PTK7: variants seen among roughly 807,000 people sequenced by gnomAD.
PTK7 encodes inactive tyrosine-protein kinase 7.
In PTK7, 39 loss-of-function variants were observed where a neutral mutation model predicts 116.6. That is an observed-to-expected ratio of 0.33 (90% CI 0.26 to 0.44). The LOEUF is 0.44. Among genes scored for constraint, PTK7 ranks in the 20% least tolerant of loss-of-function variants. PTK7 has a pLI of 1.00. For missense variants in PTK7, 1,169 were observed against 1,425.6 expected (o/e 0.82, Z 2.90); for synonymous variants, 546 against 563.6 (o/e 0.97, Z 0.44).
At position 43,141,838 on chromosome 6, in the gene PTK7, T is replaced by A. The variant is rs995365518; in HGVS notation, c.1768+21T>A. 8 of 1,610,440 alleles carry A rather than the reference T, an allele frequency of 5.0e-6. No homozygotes were observed. The highest frequency in any genetic ancestry group is 5.9e-6 in the Non-Finnish European group (7 of 1,178,192). On this transcript the variant is annotated intron_variant, in intron 11 of 19. Transcript: ENST00000230419. This position sits in a 1 kb window ranked among gnomAD's most constrained non-coding sequence, Gnocchi z 4.9. Reference sequence around the variant, plus strand: ...GGCAGGTGCGACCGTGGCAGGGCCCTGGGGCTGGGAGGGCCCTCTGGGGTA... The same window carrying A: ...GGCAGGTGCGACCGTGGCAGGGCCCAGGGGCTGGGAGGGCCCTCTGGGGTA...
At chr6:43,117,613 C>G (rs1768634883) in intron 1 of PTK7, among the ~76,000 whole-genome samples, 1 of 152,148 alleles carries the variant, frequency 6.6e-6, no homozygotes, top group African/African-American at 2.4e-5. Context: ...TGAGAGTTCT[C>G]TGGATCAGAA....
intron 17 of PTK7, among the ~76,000 whole-genome samples, chr6:43,151,883 C>T (rs1226787257): frequency 4.8e-5 from 5 of 103,246 alleles, no homozygotes; most frequent in African/African-American, 1.5e-4. Context: ...CTCGCTCTGT[C>T]GCCCAGGCTG....
intron 1 of PTK7, among the ~76,000 whole-genome samples, chr6:43,090,177 T>C (rs941121262): frequency 6.6e-6 from 1 of 152,210 alleles, no homozygotes; most frequent in Non-Finnish European, 1.5e-5. Flanking sequence ...TAGGAGAGCG[T>C]GGGCTCAGCC....
intron 1 of PTK7, among the ~76,000 whole-genome samples, chr6:43,116,395 C>T (rs1009274942): frequency 6.6e-6 from 1 of 152,212 alleles, no homozygotes; most frequent in Non-Finnish European, 1.5e-5. Flanking sequence ...AGGCCCTGGG[C>T]GGCTCGTGCT....
chr6:43,101,606 A>G (rs9472007), intron 1 of PTK7, among the ~76,000 whole-genome samples: 22,014 of 152,074 alleles, frequency 0.14, 2,164 homozygotes, highest in East Asian at 0.33. Context: ...GTTTTGAGGG[A>G]AAATTTTGAA....
intron 1 of PTK7, among the ~76,000 whole-genome samples, chr6:43,091,109 C>T (rs1253080282): frequency 6.6e-6 from 1 of 151,648 alleles, no homozygotes; most frequent in Non-Finnish European, 1.5e-5. Context: ...AGCTTACTGG[C>T]TGAGAGACCT....
At chr6:43,091,419 G>A (rs565286088) in intron 1 of PTK7, among the ~76,000 whole-genome samples, 9 of 152,148 alleles carry the variant, frequency 5.9e-5, no homozygotes, top group African/African-American at 7.2e-5. Flanking sequence ...CACCCACCTC[G>A]GCCTCTCGAA....
chr6:43,125,345 G>A (rs1366722533), intron 1 of PTK7, among the ~76,000 whole-genome samples: 1 of 152,214 alleles, frequency 6.6e-6, no homozygotes, highest in East Asian at 1.9e-4. Context: ...TGGGAATGCA[G>A]CATCTCTCAC....
At chr6:43,140,855 T>TA (rs1770358994) in intron 10 of PTK7, among the ~76,000 whole-genome samples, 1 of 152,190 alleles carries the variant, frequency 6.6e-6, no homozygotes, top group South Asian at 2.1e-4. Flanking sequence ...ATTTTTTTTG[T>TA]AACGGTGTAA....
intron 1 of PTK7, among the ~76,000 whole-genome samples, chr6:43,117,582 A>G (rs549250679): frequency 6.6e-6 from 1 of 152,278 alleles, no homozygotes; most frequent in South Asian, 2.1e-4. Context: ...TTCCTTGTCT[A>G]TAAAATGAGG....
chr6:43,138,706 C>T (rs1007541414), intron 7 of PTK7, 143 bp from the exon 8 acceptor site: 62 of 1,216,790 alleles, frequency 5.1e-5, no homozygotes, highest in Non-Finnish European at 6.6e-5. Context: ...CTGGGTCTTC[C>T]GTAAAGGGAA....
chr6:43,147,264 C>T (rs1052647243), intron 17 of PTK7, among the ~76,000 whole-genome samples: 1 of 152,242 alleles, frequency 6.6e-6, no homozygotes, highest in Non-Finnish European at 1.5e-5. Context: ...TTGTTCTGGG[C>T]ACAGAGCCCT....
intron 1 of PTK7, among the ~76,000 whole-genome samples, chr6:43,113,580 C>G (rs995030747): frequency 2.6e-5 from 4 of 152,164 alleles, no homozygotes; most frequent in Admixed American, 2.0e-4. Flanking sequence ...TGGGATCTCA[C>G]AGTCAGAGCC....
At chr6:43,132,246 A>C (rs903681122) in intron 6 of PTK7, 82 bp downstream of exon 6, 2 of 1,525,934 alleles carry the variant, frequency 1.3e-6, no homozygotes, top group African/African-American at 2.8e-5. Flanking sequence ...TTCTGTTTTT[A>C]CTCAGCCGCT....
At chr6:43,123,874 T>G (rs1332186509) in intron 1 of PTK7, among the ~76,000 whole-genome samples, 1 of 152,166 alleles carries the variant, frequency 6.6e-6, no homozygotes, top group Non-Finnish European at 1.5e-5. Context: ...TTTGTGAATG[T>G]GAACCCGTTA....
Position 43,076,871 on chromosome 6 carries a change from C to A in PTK7, c.79+304C>A. On this transcript the variant is annotated intron_variant, in intron 1 of 19. Coordinates refer to ENST00000230419, the MANE Select transcript of PTK7 (RefSeq NM_002821.5). The surrounding 1 kb of genome is among the most constrained non-coding windows in gnomAD (Gnocchi z 5.7). ...CTCGAGAACTGCCGAGAGTTGCTGG[C>A]TCTCGGGCCCAGATGGGGAGTTTCT... 6.7e-7 allele frequency: 1 copy of A among 1,482,682 alleles called. No individual in the cohort carries two copies. The highest frequency in any genetic ancestry group is 1.2e-5 in the South Asian group (1 of 80,166). 91.8% of individuals were successfully genotyped at this position (1,482,682 alleles called of 1,614,324 possible). A position where few individuals can be genotyped will look rare whatever the true frequency, so the allele number is the denominator to read the frequency against.
At chr6:43,103,947 A>T (rs766938575) in intron 1 of PTK7, among the ~76,000 whole-genome samples, 1 of 152,138 alleles carries the variant, frequency 6.6e-6, no homozygotes, top group Non-Finnish European at 1.5e-5. Flanking sequence ...TGAAAATCTC[A>T]CTCCCATCTG....
intron 17 of PTK7, among the ~76,000 whole-genome samples, chr6:43,157,783 A>G (rs1463420892): frequency 1.3e-5 from 2 of 151,814 alleles, no homozygotes; most frequent in African/African-American, 4.8e-5. Flanking sequence ...CTGGAGTGCA[A>G]TGGCGCAATC....
intron 1 of PTK7, among the ~76,000 whole-genome samples, chr6:43,118,749 A>ATGTGTGTGTG (rs58128834): frequency 8.4e-6 from 1 of 118,738 alleles, no homozygotes; most frequent in Non-Finnish European, 1.8e-5. Context: ...ATGTGTGTGT[A>ATGTGTGTGTG]TGTGTGTGTG....
Sources: allele counts gnomAD v4.1 joint callset (sites outside exome capture counted in the v4.1 genomes callset), GRCh38; gene constraint gnomAD v4.1.1; non-coding constraint Gnocchi (gnomAD v3.1); transcripts MANE v1.5; gene names NCBI Gene and HGNC (gene_info 2026-07-23, HGNC 2026-07-21).